Variants in EPN2 observed in about 807,000 individuals in gnomAD.
EPN2 encodes epsin 2.
EPN2 carries 34 observed loss-of-function variants against 61.7 expected under a neutral mutation model. The observed-to-expected ratio is 0.55, with a 90% CI of 0.42 to 0.73. The LOEUF (loss-of-function observed/expected upper bound fraction) is 0.73. Among genes scored for constraint, EPN2 ranks in the 30% least tolerant of loss-of-function variants. The pLI is 0.00. For missense variants in EPN2, 714 were observed against 839.2 expected (o/e 0.85, Z 1.84); for synonymous variants, 349 against 353.6 (o/e 0.99, Z 0.15).
intron 7 of EPN2, among the ~76,000 whole-genome samples, chr17:19,326,469 A>G (rs1906873061): frequency 6.6e-6 from 1 of 152,036 alleles, no homozygotes; most frequent in Non-Finnish European, 1.5e-5. Flanking sequence ...GGCAGATCAC[A>G]AGGTCAGGAG....
In EPN2 at chr17:19,334,199, G is replaced by T. The variant is rs762253619; in HGVS notation, c.1871G>T (p.Gly624Val). 3 of 1,548,942 alleles carry T rather than the reference G, an allele frequency of 1.9e-6. No individual in the cohort carries two copies. Among genetic ancestry groups the T allele is most frequent in the Non-Finnish European group, 2.6e-6 (3 of 1,140,264 alleles). The stretch of plus-strand genomic sequence containing the variant: ...ATGATGAACATGGTGGGCAGTGTGG[G>T]TATACCCCCATCAGCAGCCCAGGCC... ...PAMMNMVGSV[G>V]IPPSAAQATG... The change falls in exon 11 of 11, where the codon GGT (glycine) becomes GTT (valine). Residue 624 changes from glycine (G) to valine (V), a missense_variant. Coordinates refer to ENST00000314728, the MANE Select transcript of EPN2 (RefSeq NM_014964.5). The surrounding 1 kb of genome is among the most constrained non-coding windows in gnomAD (Gnocchi z 4.9).
chr17:19,247,006 G>A (rs1009947802), intron 1 of EPN2, among the ~76,000 whole-genome samples: 6 of 151,928 alleles, frequency 3.9e-5, no homozygotes, highest in African/African-American at 1.5e-4. Context: ...TCCTGACCTC[G>A]TGATCTGCCC....
In EPN2 at chr17:19,328,867, C is replaced by G; in HGVS notation, c.1304C>G (p.Thr435Ser). 2 of 1,612,354 alleles carry G rather than the reference C, an allele frequency of 1.2e-6. No individual in the cohort carries two copies. Among genetic ancestry groups the G allele is most frequent in the Non-Finnish European group, 1.7e-6 (2 of 1,178,992 alleles). Residue 435 changes from threonine to serine, a missense_variant, in exon 8 of 11, where the codon ACC (threonine) becomes AGC (serine). Thr to Ser is a moderately conservative substitution (Grantham distance 58). Coordinates refer to ENST00000314728, the MANE Select transcript of EPN2 (RefSeq NM_014964.5). ...ASDAWGAVST[T>S]KPVSVSGSFE... is the part of the protein sequence containing the mutation. ...GACGCGTGGGGCGCAGTCTCCACCA[C>G]CAAGCCCGTGTCTGTCTCTGGTGAG...
chr17:19,273,107 A>C (rs1265307587), intron 1 of EPN2: 2 of 152,200 alleles, frequency 1.3e-5, no homozygotes, highest in Non-Finnish European at 2.9e-5. Flanking sequence ...GTGACATCTA[A>C]TTTGAGCTCT....
At chr17:19,288,193 C>G (rs1349545523) in intron 4 of EPN2, among the ~76,000 whole-genome samples, 1 of 152,160 alleles carries the variant, frequency 6.6e-6, no homozygotes, top group African/African-American at 2.4e-5. Flanking sequence ...CATTCCAGAC[C>G]TTCCCAGGCC....
chr17:19,329,229 C>T (rs1396603859), intron 8 of EPN2: 35 of 432,786 alleles, frequency 8.1e-5, no homozygotes, highest in Admixed American at 4.1e-5. Flanking sequence ...TGGTGACTTC[C>T]TACAGACCCT....
At chr17:19,288,276 A>G (rs1019564458) in intron 4 of EPN2, among the ~76,000 whole-genome samples, 1 of 152,174 alleles carries the variant, frequency 6.6e-6, no homozygotes, top group African/African-American at 2.4e-5. Context: ...TCTGCTCTGT[A>G]TTTATTGAGT....
intron 4 of EPN2, chr17:19,296,553 A>G (rs776568909): frequency 1.3e-4 from 20 of 152,242 alleles, no homozygotes; most frequent in Non-Finnish European, 2.8e-4. Flanking sequence ...AAATCCTTCA[A>G]TCTTAACTAT....
intron 4 of EPN2, among the ~76,000 whole-genome samples, chr17:19,291,048 G>A (rs2045459424): frequency 6.6e-6 from 1 of 152,238 alleles, no homozygotes; most frequent in Non-Finnish European, 1.5e-5. Flanking sequence ...TTTGCCAAGT[G>A]ATTACTAGAA....
intron 1 of EPN2, among the ~76,000 whole-genome samples, chr17:19,264,979 G>C (rs761436106): frequency 6.6e-6 from 1 of 152,164 alleles, no homozygotes. Context: ...TGGATCCTGG[G>C]CAGAGCATCC....
Position 19,328,829 on chromosome 17 carries a change from GA to G in EPN2, c.1270del (p.Arg424GlufsTer27). On this transcript the variant is annotated frameshift_variant, in exon 8 of 11. Coordinates refer to ENST00000314728, the MANE Select transcript of EPN2 (RefSeq NM_014964.5). LOFTEE classifies it high-confidence loss of function. ...ASQQPASSAG[K>X]RASDAWGAVS... is the part of the protein sequence containing the mutation. ...CACAGCAGCCTGCCTCCAGTGCTGG[GA>G]AAAGAGCTTCTGACGCGTGGGGCGC... The G allele has an allele frequency of 6.2e-7, 1 of 1,613,586 alleles. No individual in the cohort carries two copies. Among genetic ancestry groups the G allele is most frequent in the Non-Finnish European group, 8.5e-7 (1 of 1,179,688 alleles).
rs1176818915 is a variant in EPN2 at position 19,285,309 on chromosome 17, A to T, written c.596-311A>T. 2.6e-5 allele frequency among the ~76,000 whole-genome samples: 4 copies of T among 152,248 alleles called. No homozygotes were observed. On this transcript the variant is annotated intron_variant, in intron 3 of 10. Coordinates refer to ENST00000314728, the MANE Select transcript of EPN2 (RefSeq NM_014964.5). This position sits in a 1 kb window ranked among gnomAD's most constrained non-coding sequence, Gnocchi z 4.5. Reference sequence around the variant, plus strand: ...ACTTTGCAGATGCAGGGGTTGGAACAGTGGGGATGCAGGAGCCTGGTTTGA... The same window carrying T: ...ACTTTGCAGATGCAGGGGTTGGAACTGTGGGGATGCAGGAGCCTGGTTTGA...
intron 1 of EPN2, among the ~76,000 whole-genome samples, chr17:19,268,459 G>GCGAT (rs2045222167): frequency 6.6e-6 from 1 of 152,106 alleles, no homozygotes; most frequent in Non-Finnish European, 1.5e-5. Context: ...CTGGGCTCAG[G>GCGAT]CGATCCTCCA....
At chr17:19,276,126 G>T (rs1269310768) in intron 1 of EPN2, among the ~76,000 whole-genome samples, 1 of 152,114 alleles carries the variant, frequency 6.6e-6, no homozygotes, top group East Asian at 1.9e-4. Context: ...TGGCTGGTGG[G>T]GTGGTGGCCA....
chr17:19,279,121 A>G (rs1253294218), intron 1 of EPN2, among the ~76,000 whole-genome samples: 3 of 152,194 alleles, frequency 2.0e-5, no homozygotes, highest in Non-Finnish European at 4.4e-5. Context: ...GACCATCAGC[A>G]GATGTCCTTG....
At chr17:19,311,256 G>A (rs1906120553) in intron 5 of EPN2, among the ~76,000 whole-genome samples, 1 of 152,184 alleles carries the variant, frequency 6.6e-6, no homozygotes, top group South Asian at 2.1e-4. Flanking sequence ...TGGCTTCATG[G>A]CCAGCAGCCC....
intron 7 of EPN2, among the ~76,000 whole-genome samples, chr17:19,327,638 C>T (rs1462431787): frequency 6.6e-6 from 1 of 152,158 alleles, no homozygotes; most frequent in Non-Finnish European, 1.5e-5. Context: ...CACCACTGCA[C>T]TCCAGTCTGG....
intron 1 of EPN2, among the ~76,000 whole-genome samples, chr17:19,244,335 T>C (rs1392394843): frequency 6.6e-6 from 1 of 152,108 alleles, no homozygotes; most frequent in Non-Finnish European, 1.5e-5. Context: ...GGCGTGGGCC[T>C]GTAGTCCCAA....
chr17:19,244,069 G>T (rs1321049576), intron 1 of EPN2, among the ~76,000 whole-genome samples: 1 of 152,200 alleles, frequency 6.6e-6, no homozygotes, highest in African/African-American at 2.4e-5. Flanking sequence ...AGATGTCATT[G>T]TCCTTCAAAA....
Sources: gnomAD v4.1 joint callset for allele counts (sites outside exome capture counted in the v4.1 genomes callset) on GRCh38, gnomAD v4.1.1 for gene constraint, Gnocchi (gnomAD v3.1) non-coding constraint, MANE v1.5 for transcripts, NCBI Gene and HGNC (gene_info 2026-07-23, HGNC 2026-07-21) for gene names.